Variants in NOL3 observed in about 807,000 individuals in gnomAD.
NOL3 encodes muscle-enriched cytoplasmic protein.
Under a neutral mutation model 19.2 loss-of-function variants are expected in NOL3, and 18 were observed. The ratio of observed to expected loss-of-function variants is 0.94; its 90% CI spans 0.65 to 1.39. The LOEUF (loss-of-function observed/expected upper bound fraction) is 1.39, where lower values mean the gene tolerates loss of function less well. Ranked by LOEUF, NOL3 falls within the 40% of genes most tolerant of loss-of-function variation. The pLI is 0.00. For synonymous variants in NOL3, 127 were observed against 137.3 expected (o/e 0.93, Z 0.52); for missense variants, 290 against 289.5 (o/e 1.00, Z -0.01).
At chr16:67,175,286 C>T (rs747502764) in exon 4 of NOL3, 30 of 1,426,444 alleles carry the variant, frequency 2.1e-5, no homozygotes, top group Admixed American at 6.0e-5. Context: ...AAGCCCACCA[C>T]GAGCATCATC....
At chr16:67,175,013 C>T in intron 3 of NOL3, 34 bp from the exon 4 acceptor site, 1 of 1,613,326 alleles carries the variant, frequency 6.2e-7, no homozygotes, top group Non-Finnish European at 8.5e-7. Flanking sequence ...ATGCCGGACC[C>T]CACCTCTTTG....
At position 67,174,199 on chromosome 16, in the gene NOL3, G is replaced by A. The variant is rs1326369880; in HGVS notation, c.30G>A (p.Glu10=). The A allele has an allele frequency of 5.0e-6, 8 of 1,612,130 alleles. No homozygotes were observed. The highest frequency in any genetic ancestry group is 6.8e-6 in the Non-Finnish European group (8 of 1,179,236). Residue 10 remains glutamate (E), a synonymous_variant, in exon 2 of 4, where the codon GAG becomes GAA. Transcript: ENST00000268605. Reference sequence around the variant, plus strand: ...GCAACGCGCAGGAGCGGCCGTCAGAGACTATCGACCGCGAGCGGAAACGCC... The same window carrying A: ...GCAACGCGCAGGAGCGGCCGTCAGAAACTATCGACCGCGAGCGGAAACGCC...
In NOL3 at chr16:67,174,179, G is replaced by A. The variant is rs563320532; in HGVS notation, c.10G>A (p.Ala4Thr). The change falls in exon 2 of 4, where the codon GCG becomes ACG. Residue 4 changes from alanine (A) to threonine (T), a missense_variant. Physicochemically the swap from Ala to Thr is moderately conservative, Grantham distance 58. Coordinates refer to ENST00000268605, the Ensembl canonical transcript of NOL3. ...CCATGCAGCCCCGACAATGGGCAAC[G>A]CGCAGGAGCGGCCGTCAGAGACTAT... 2.5e-6 allele frequency: 4 copies of A among 1,610,162 alleles called. No individual in the cohort carries two copies. In the African/African-American group the frequency reaches 5.3e-5, roughly 21 times the overall value.
chr16:67,173,070 C>G (rs988675291), intron 1 of NOL3: 1 of 143,770 alleles, frequency 7.0e-6, no homozygotes, highest in African/African-American at 2.6e-5. Context: ...TGCACTCCAG[C>G]TTGGGCAACA....
intron 1 of NOL3, chr16:67,173,906 C>A (rs1332066621): frequency 6.5e-7 from 1 of 1,535,918 alleles, no homozygotes; most frequent in Admixed American, 2.0e-5. Context: ...GAGAGGAGAG[C>A]CACGGCTGAC....
At chr16:67,173,578 A>G (rs1567674384) in intron 1 of NOL3, among the ~76,000 whole-genome samples, 1 of 152,154 alleles carries the variant, frequency 6.6e-6, no homozygotes, top group African/African-American at 2.4e-5. Context: ...AGAGTATGGA[A>G]GCAGGGAGCT....
chr16:67,174,979 G>A (rs1485718959), intron 3 of NOL3, 35 bp downstream of exon 3: 12 of 1,609,302 alleles, frequency 7.5e-6, no homozygotes, highest in East Asian at 6.7e-5. Flanking sequence ...CCGGCTTGGC[G>A]GGAGGGCATG....
exon 3 of NOL3, chr16:67,174,636 G>A: frequency 6.5e-7 from 1 of 1,546,002 alleles, no homozygotes; most frequent in South Asian, 1.3e-5. Context: ...CGGGACCGCA[G>A]CTATGACCCT....
chr16:67,173,728 C>T (rs1358387319), intron 1 of NOL3: 1 of 720,768 alleles, frequency 1.4e-6, no homozygotes, highest in Non-Finnish European at 2.2e-6. Flanking sequence ...AGCATCAATC[C>T]TAGGTTTTTC....
At chr16:67,174,774 CGGA>C in exon 3 of NOL3, 1 of 1,607,926 alleles carries the variant, frequency 6.2e-7, no homozygotes. Context: ...TCCGGGACCC[CGGA>C]GGAGCCAGAG....
chr16:67,175,246 C>A (rs1340265199), exon 4 of NOL3: 1 of 1,477,934 alleles, frequency 6.8e-7, no homozygotes, highest in Admixed American at 2.5e-5. Context: ...AGGGTGGGTA[C>A]CTCTGAGTCC....
exon 4 of NOL3, chr16:67,175,246 C>T (rs1340265199): frequency 3.4e-6 from 5 of 1,477,934 alleles, no homozygotes; most frequent in Non-Finnish European, 4.5e-6. Flanking sequence ...AGGGTGGGTA[C>T]CTCTGAGTCC....
chr16:67,174,879 C>G, exon 3 of NOL3: 1 of 1,612,468 alleles, frequency 6.2e-7, no homozygotes. Flanking sequence ...GAACCAGAGC[C>G]GGAACTGGAG....
rs752668745 is a variant in NOL3, at chr16:67,174,351, T to C, written c.182T>C (p.Leu61Pro). The C allele has an allele frequency of 1.1e-4, 167 of 1,588,396 alleles. No homozygotes were observed. Among genetic ancestry groups the C allele is most frequent in the Non-Finnish European group, 1.3e-4 (151 of 1,169,014 alleles). The stretch of plus-strand genomic sequence containing the variant: ...GATGCCGAGCGCAGGGTGCGCCGCC[T>C]ACTGCTGCTGGTGCAGGGCAAGGGC... The change falls in exon 2 of 4, where the codon CTA becomes CCA. Residue 61 changes from leucine to proline, a missense_variant. Transcript: ENST00000268605.
At chr16:67,173,654 G>T in intron 1 of NOL3, 1 of 584,696 alleles carries the variant, frequency 1.7e-6, no homozygotes, top group South Asian at 2.1e-5. Context: ...TGGTGAGGAT[G>T]GTGAGAGAAA....
chr16:67,174,727 C>G (rs2032046002), exon 3 of NOL3: 1 of 1,610,784 alleles, frequency 6.2e-7, no homozygotes, highest in Non-Finnish European at 8.5e-7. Flanking sequence ...CAGACCCTGA[C>G]GAGGCCGGGG....
exon 4 of NOL3, chr16:67,175,469 T>C: frequency 4.3e-6 from 2 of 469,644 alleles, no homozygotes; most frequent in Non-Finnish European, 5.9e-6. Context: ...CGCAAGTTCC[T>C]GAGCTGAACA....
At chr16:67,174,764 T>A in exon 3 of NOL3, 1 of 1,609,412 alleles carries the variant, frequency 6.2e-7, no homozygotes, top group Admixed American at 1.7e-5. Flanking sequence ...GGCGGTGCAA[T>A]CCGGGACCCC....
exon 2 of NOL3, chr16:67,174,248 T>A: frequency 5.0e-6 from 8 of 1,612,830 alleles, no homozygotes; most frequent in Non-Finnish European, 6.8e-6. Flanking sequence ...GCAGGCGGAC[T>A]CGGGACTGCT....
Sources: allele counts gnomAD v4.1 joint callset (sites outside exome capture counted in the v4.1 genomes callset), GRCh38; gene constraint gnomAD v4.1.1; transcripts MANE v1.5; gene names NCBI Gene and HGNC (gene_info 2026-07-23, HGNC 2026-07-21).